HS3ST4: variants seen among roughly 807,000 people sequenced by gnomAD.
HS3ST4 encodes heparan sulfate glucosamine 3-O-sulfotransferase 4.
In HS3ST4, 17 loss-of-function variants were observed where a neutral mutation model predicts 29.2. The observed-to-expected ratio is 0.58, with a 90% CI of 0.40 to 0.87. The LOEUF is 0.87. Among genes scored for constraint, HS3ST4 ranks in the 40% least tolerant of loss-of-function variants. HS3ST4 has a pLI of 0.00. For synonymous variants in HS3ST4, 314 were observed against 285.7 expected, an observed-to-expected ratio of 1.10 and a Z score of -1.00; for missense variants, 627 against 634.5, an observed-to-expected ratio of 0.99 and a Z score of 0.13.
chr16:25,987,947 T>G (rs1238216244), intron 1 of HS3ST4, among the ~76,000 whole-genome samples: 1 of 152,148 alleles, frequency 6.6e-6, no homozygotes, highest in Non-Finnish European at 1.5e-5. Context: ...ATTTTTGCAC[T>G]TTTAATAGAG....
At chr16:25,876,777 C>T (rs1009572441) in intron 1 of HS3ST4, among the ~76,000 whole-genome samples, 2 of 151,270 alleles carry the variant, frequency 1.3e-5, no homozygotes, top group Non-Finnish European at 2.9e-5. Context: ...GCTTTTTCTG[C>T]CTGGAGAACT....
chr16:26,018,046 G>A (rs757076898), intron 1 of HS3ST4, among the ~76,000 whole-genome samples: 12 of 152,132 alleles, frequency 7.9e-5, no homozygotes, highest in Admixed American at 1.3e-4. Context: ...ATGGCCCGTC[G>A]CACATGTCTC....
intron 1 of HS3ST4, among the ~76,000 whole-genome samples, chr16:26,116,826 A>G (rs1272603894): frequency 1.3e-5 from 2 of 152,222 alleles, no homozygotes; most frequent in Non-Finnish European, 2.9e-5. Context: ...CAAAATCTGA[A>G]ACTTTTTAAG....
intron 1 of HS3ST4, among the ~76,000 whole-genome samples, chr16:25,950,056 G>A (rs12919731): frequency 0.18 from 27,913 of 152,134 alleles, 3,443 homozygotes; most frequent in Non-Finnish European, 0.28. Context: ...TCACAAATTC[G>A]CAAATTACCT....
chr16:25,830,843 A>C (rs1484648152), intron 1 of HS3ST4, among the ~76,000 whole-genome samples: 1 of 149,084 alleles, frequency 6.7e-6, no homozygotes, highest in South Asian at 2.1e-4. Flanking sequence ...TTCCAGCTGG[A>C]CTCCCCTTTC....
chr16:26,104,648 C>T (rs1899028797), intron 1 of HS3ST4, among the ~76,000 whole-genome samples: 1 of 152,196 alleles, frequency 6.6e-6, no homozygotes, highest in Non-Finnish European at 1.5e-5. Flanking sequence ...CAATCCAGAT[C>T]TATTAACTCT....
intron 1 of HS3ST4, among the ~76,000 whole-genome samples, chr16:25,865,905 C>T (rs1967689391): frequency 6.6e-6 from 1 of 152,104 alleles, no homozygotes; most frequent in Non-Finnish European, 1.5e-5. Flanking sequence ...CTCAACATTT[C>T]TATGGGCAAA....
chr16:26,120,816 A>G (rs990440653), intron 1 of HS3ST4, among the ~76,000 whole-genome samples: 1 of 152,236 alleles, frequency 6.6e-6, no homozygotes, highest in Admixed American at 6.5e-5. Flanking sequence ...AATTATTTAC[A>G]AAGAGGAAAG....
intron 1 of HS3ST4, among the ~76,000 whole-genome samples, chr16:26,133,209 A>G (rs1899442823): frequency 6.6e-6 from 1 of 152,182 alleles, no homozygotes; most frequent in Non-Finnish European, 1.5e-5. Context: ...TAAGTTAAAA[A>G]AATTCTGACA....
chr16:25,715,918 A>G (rs1293393099), intron 1 of HS3ST4, among the ~76,000 whole-genome samples: 4 of 152,200 alleles, frequency 2.6e-5, no homozygotes, highest in African/African-American at 4.8e-5. Flanking sequence ...AATTCCCCCT[A>G]TAGTCATAGG....
At chr16:25,845,325 A>G (rs1270707014) in intron 1 of HS3ST4, among the ~76,000 whole-genome samples, 2 of 152,196 alleles carry the variant, frequency 1.3e-5, no homozygotes, top group Non-Finnish European at 2.9e-5. Flanking sequence ...CCTGGCCCAC[A>G]TGGTGAAACC....
chr16:26,054,326 GAAGAGAAGA>G (rs1165050308), intron 1 of HS3ST4, among the ~76,000 whole-genome samples: 1 of 148,570 alleles, frequency 6.7e-6, no homozygotes, highest in African/African-American at 2.6e-5. Flanking sequence ...AGAAGAAGAA[GAAGAGAAGA>G]AGAAGAAGAA....
chr16:25,928,497 G>C (rs969174463), intron 1 of HS3ST4, among the ~76,000 whole-genome samples: 2 of 152,158 alleles, frequency 1.3e-5, no homozygotes, highest in African/African-American at 4.8e-5. Flanking sequence ...AGTTCTAAAT[G>C]GGATATCTTC....
chr16:25,835,284 C>A (rs1967345941), intron 1 of HS3ST4, among the ~76,000 whole-genome samples: 1 of 152,182 alleles, frequency 6.6e-6, no homozygotes, highest in Non-Finnish European at 1.5e-5. Context: ...CTAAACATCC[C>A]CTGCTAGAGG....
chr16:25,952,849 C>T (rs1047900397), intron 1 of HS3ST4, among the ~76,000 whole-genome samples: 1 of 152,112 alleles, frequency 6.6e-6, no homozygotes. Flanking sequence ...ATGGATGTTC[C>T]TTAAACCTCC....
chr16:26,127,999 C>G (rs1899368362), intron 1 of HS3ST4, among the ~76,000 whole-genome samples: 1 of 152,116 alleles, frequency 6.6e-6, no homozygotes, highest in Non-Finnish European at 1.5e-5. Context: ...CTTTCCCCTT[C>G]TCCTCCCATT....
chr16:26,005,274 C>T (rs771953938), intron 1 of HS3ST4, among the ~76,000 whole-genome samples: 4 of 152,202 alleles, frequency 2.6e-5, no homozygotes, highest in African/African-American at 7.2e-5. Context: ...ATCCTGAAAA[C>T]GAAGGTGACT....
At chr16:25,695,621 T>C (rs1307822815) in intron 1 of HS3ST4, among the ~76,000 whole-genome samples, 1 of 152,222 alleles carries the variant, frequency 6.6e-6, no homozygotes, top group Non-Finnish European at 1.5e-5. Context: ...TGGTATCAGA[T>C]GGCACTGATC....
At chr16:25,999,708 C>T (rs934783678) in intron 1 of HS3ST4, among the ~76,000 whole-genome samples, 5 of 145,366 alleles carry the variant, frequency 3.4e-5, no homozygotes, top group Non-Finnish European at 7.5e-5. Context: ...CTCAAAAATT[C>T]ACATTGTACT....
Sources: allele counts gnomAD v4.1 joint callset (sites outside exome capture counted in the v4.1 genomes callset), GRCh38; gene constraint gnomAD v4.1.1; transcripts MANE v1.5; gene names NCBI Gene and HGNC (gene_info 2026-07-23, HGNC 2026-07-21).